TRERF1: variants seen among roughly 807,000 people sequenced by gnomAD.
TRERF1 encodes transcriptional-regulating factor 1.
Under a neutral mutation model 122.9 loss-of-function variants are expected in TRERF1, and 27 were observed. The observed-to-expected ratio is 0.22, with a 90% CI of 0.16 to 0.30. The LOEUF (loss-of-function observed/expected upper bound fraction) is 0.30, where lower values mean the gene tolerates loss of function less well. Ranked by LOEUF, TRERF1 falls within the 10% of genes least tolerant of loss-of-function variation. The pLI is 1.00. For synonymous variants in TRERF1, 636 were observed against 641.7 expected, an observed-to-expected ratio of 0.99 and a Z score of 0.13; for missense variants, 1,248 against 1,560.3, an observed-to-expected ratio of 0.80 and a Z score of 3.37.
At chr6:42,395,846 A>T (rs1469001467) in intron 2 of TRERF1, among the ~76,000 whole-genome samples, 2 of 151,914 alleles carry the variant, frequency 1.3e-5, no homozygotes, top group Non-Finnish European at 2.9e-5. Flanking sequence ...AAGGAGAAGC[A>T]CGGCCTTAAC....
intron 2 of TRERF1, among the ~76,000 whole-genome samples, chr6:42,366,402 G>A (rs1479317858): frequency 6.6e-6 from 1 of 152,186 alleles, no homozygotes; most frequent in African/African-American, 2.4e-5. Flanking sequence ...AAGAGACACA[G>A]GGCCTTCTTG....
chr6:42,424,180 G>A (rs1465953658), intron 2 of TRERF1, among the ~76,000 whole-genome samples: 1 of 152,148 alleles, frequency 6.6e-6, no homozygotes, highest in Admixed American at 6.5e-5. Context: ...GTGCTACTAG[G>A]AATATTCTTA....
At chr6:42,315,234 C>T (rs1759997083) in intron 3 of TRERF1, among the ~76,000 whole-genome samples, 1 of 152,176 alleles carries the variant, frequency 6.6e-6, no homozygotes, top group East Asian at 1.9e-4. Context: ...GCTATTGGCA[C>T]CTGGTGGGCA....
intron 2 of TRERF1, among the ~76,000 whole-genome samples, chr6:42,367,875 G>A (rs971987399): frequency 3.9e-5 from 6 of 151,944 alleles, no homozygotes; most frequent in African/African-American, 1.5e-4. Flanking sequence ...TCCCATCCCC[G>A]ATCTGATCTC....
At chr6:42,388,666 T>C (rs1001372133) in intron 2 of TRERF1, among the ~76,000 whole-genome samples, 3 of 152,094 alleles carry the variant, frequency 2.0e-5, no homozygotes, top group Non-Finnish European at 4.4e-5. Context: ...AGGATTCCGT[T>C]AGTAAGTTGA....
At position 42,327,896 on chromosome 6, in the gene TRERF1, C is replaced by T. The variant is rs573770145; in HGVS notation, c.-370-27147G>A. Among the ~76,000 whole-genome samples, 55 of 151,404 alleles carry T rather than the reference C, an allele frequency of 3.6e-4. 1 individual carries two copies. The South Asian group carries it at 9.4e-3, about 26-fold the overall frequency. On this transcript the variant is annotated intron_variant, in intron 3 of 17. Coordinates refer to ENST00000372922, the Ensembl canonical transcript of TRERF1. ...GCTTGGAGATGGACAGGTGTGAACTCGGTGTGTTTGAGGGCCAGAGGAAGT... is the reference window on the plus strand; with the variant it reads ...GCTTGGAGATGGACAGGTGTGAACTTGGTGTGTTTGAGGGCCAGAGGAAGT...
chr6:42,407,229 T>C (rs1780302881), intron 2 of TRERF1, among the ~76,000 whole-genome samples: 1 of 152,218 alleles, frequency 6.6e-6, no homozygotes, highest in African/African-American at 2.4e-5. Context: ...TTTAAGTCTC[T>C]GTCTTCTCCT....
rs1159863302 is a variant in TRERF1 at position 42,269,366 on chromosome 6, G to A, written c.225C>T (p.Gly75=). ...CTCCCTGCCTCGAGGTATCCATTTGGCCAAGGTTTTTGGAGCCAACAGGCA... is the reference window on the plus strand; with the variant it reads ...CTCCCTGCCTCGAGGTATCCATTTGACCAAGGTTTTTGGAGCCAACAGGCA... The change falls in exon 5 of 18, where the codon GGC becomes GGT. Residue 75 remains glycine (G), a synonymous_variant. Coordinates refer to ENST00000372922, the Ensembl canonical transcript of TRERF1. The surrounding 1 kb of genome is among the most constrained non-coding windows in gnomAD (Gnocchi z 4.9). The A allele has an allele frequency of 6.2e-7, 1 of 1,614,038 alleles. No individual in the cohort carries two copies. Among genetic ancestry groups the A allele is most frequent in the Non-Finnish European group, 8.5e-7 (1 of 1,180,040 alleles).
intron 2 of TRERF1, among the ~76,000 whole-genome samples, chr6:42,374,276 A>G (rs1348504412): frequency 6.6e-6 from 1 of 152,118 alleles, no homozygotes. Flanking sequence ...TTCCTGGACC[A>G]CTGGCTATAT....
At chr6:42,340,417 A>G (rs1371656668) in intron 3 of TRERF1, among the ~76,000 whole-genome samples, 1 of 152,118 alleles carries the variant, frequency 6.6e-6, no homozygotes, top group Admixed American at 6.5e-5. Flanking sequence ...TTGTCAAAAC[A>G]TGAATATTGC....
intron 4 of TRERF1, among the ~76,000 whole-genome samples, chr6:42,299,064 G>A (rs1041901023): frequency 7.0e-6 from 1 of 143,814 alleles, no homozygotes; most frequent in Admixed American, 6.8e-5. Flanking sequence ...AAGAGAGCAA[G>A]ACCCTGTCTC....
At chr6:42,283,442 G>A (rs1582802286) in intron 4 of TRERF1, among the ~76,000 whole-genome samples, 1 of 152,086 alleles carries the variant, frequency 6.6e-6, no homozygotes, top group East Asian at 1.9e-4. Flanking sequence ...AAGGATCCAA[G>A]AAACTAATAA....
intron 3 of TRERF1, among the ~76,000 whole-genome samples, chr6:42,361,912 C>T (rs1012581785): frequency 3.9e-5 from 6 of 152,152 alleles, no homozygotes; most frequent in African/African-American, 1.2e-4. Context: ...CCAAGGGGTT[C>T]AATAAGGATA....
intron 2 of TRERF1, among the ~76,000 whole-genome samples, chr6:42,371,772 T>G (rs775860583): frequency 6.6e-6 from 1 of 152,188 alleles, no homozygotes; most frequent in Non-Finnish European, 1.5e-5. Context: ...TCTCCTTAAA[T>G]GTCCCCCCAC....
chr6:42,376,996 G>A (rs1420575989), intron 2 of TRERF1, among the ~76,000 whole-genome samples: 1 of 151,892 alleles, frequency 6.6e-6, no homozygotes, highest in Non-Finnish European at 1.5e-5. Context: ...CTCCCAAGTA[G>A]CTGGAATTAC....
At chr6:42,449,744 C>T (rs1377046174) in intron 2 of TRERF1, among the ~76,000 whole-genome samples, 1 of 152,158 alleles carries the variant, frequency 6.6e-6, no homozygotes, top group African/African-American at 2.4e-5. Context: ...ATATTTAATT[C>T]CCAACTAACT....
At chr6:42,350,306 CAGTT>C (rs1178022666) in intron 3 of TRERF1, among the ~76,000 whole-genome samples, 18 of 152,192 alleles carry the variant, frequency 1.2e-4, no homozygotes, top group African/African-American at 3.4e-4. Flanking sequence ...GTCACATGGT[CAGTT>C]AGTTAGTGAC....
intron 3 of TRERF1, among the ~76,000 whole-genome samples, chr6:42,327,966 G>GC (rs1221293922): frequency 6.6e-6 from 1 of 150,868 alleles, no homozygotes; most frequent in African/African-American, 2.4e-5. Flanking sequence ...TGGTTTTCAT[G>GC]CCCCAATTAC....
intron 3 of TRERF1, among the ~76,000 whole-genome samples, chr6:42,318,439 C>T (rs923509467): frequency 5.3e-5 from 8 of 152,208 alleles, no homozygotes; most frequent in Non-Finnish European, 1.2e-4. Context: ...CTCTACACTT[C>T]ACTTGGTGGA....
Sources: gnomAD v4.1 joint callset for allele counts (sites outside exome capture counted in the v4.1 genomes callset) on GRCh38, gnomAD v4.1.1 for gene constraint, Gnocchi (gnomAD v3.1) non-coding constraint, MANE v1.5 for transcripts, NCBI Gene and HGNC (gene_info 2026-07-23, HGNC 2026-07-21) for gene names.